The following CNTNAP5 variants were observed in gnomAD, a reference collection of about 807,000 sequenced individuals.
CNTNAP5 encodes the protein contactin associated protein family member 5, also known as contactin-associated protein-like 5.
A neutral mutation model predicts 150.2 loss-of-function variants in CNTNAP5; 72 were observed. That is an observed-to-expected ratio of 0.48 (90% CI 0.40 to 0.58). CNTNAP5 has a LOEUF of 0.58. Among genes scored for constraint, CNTNAP5 ranks in the 20% least tolerant of loss-of-function variants. The pLI, the probability that CNTNAP5 is intolerant of heterozygous loss-of-function variation, is 0.00. For synonymous variants in CNTNAP5, 672 were observed against 619.8 expected (o/e 1.08, Z -1.25); for missense variants, 1,636 against 1,626.2 (o/e 1.01, Z -0.10).
intron 5 of CNTNAP5, among the ~76,000 whole-genome samples, chr2:124,435,619 A>G (rs1692512893): frequency 6.6e-6 from 1 of 152,210 alleles, no homozygotes; most frequent in Non-Finnish European, 1.5e-5. Context: ...TTTTGTCTTC[A>G]CTATAAAATA....
intron 13 of CNTNAP5, among the ~76,000 whole-genome samples, chr2:124,701,875 T>C (rs1012574449): frequency 6.6e-6 from 1 of 152,104 alleles, no homozygotes; most frequent in Non-Finnish European, 1.5e-5. Context: ...ATTTGTTTTT[T>C]CTTTTACTTT....
At chr2:124,654,562 C>T (rs1197361790) in intron 13 of CNTNAP5, among the ~76,000 whole-genome samples, 1 of 152,050 alleles carries the variant, frequency 6.6e-6, no homozygotes, top group African/African-American at 2.4e-5. Context: ...CTTTCTCACC[C>T]AATTAACTGA....
At chr2:124,779,747 G>A (rs1681407529) in intron 17 of CNTNAP5, among the ~76,000 whole-genome samples, 1 of 152,084 alleles carries the variant, frequency 6.6e-6, no homozygotes, top group Non-Finnish European at 1.5e-5. Flanking sequence ...AAATGGACCT[G>A]CCCCTACCCT....
At chr2:124,761,873 T>C (rs1381619885) in intron 14 of CNTNAP5, among the ~76,000 whole-genome samples, 1 of 152,140 alleles carries the variant, frequency 6.6e-6, no homozygotes, top group East Asian at 1.9e-4. Flanking sequence ...CCCAACACTT[T>C]GACACAAAAA....
intron 7 of CNTNAP5, among the ~76,000 whole-genome samples, chr2:124,490,652 T>C (rs1293479279): frequency 6.6e-6 from 1 of 152,130 alleles, no homozygotes; most frequent in African/African-American, 2.4e-5. Flanking sequence ...CCACTAGTCA[T>C]GTGTAACTAT....
chr2:124,375,890 T>A (rs547852570), intron 3 of CNTNAP5, among the ~76,000 whole-genome samples: 5 of 152,214 alleles, frequency 3.3e-5, no homozygotes, highest in African/African-American at 1.2e-4. Flanking sequence ...AACTCAAAAC[T>A]ACTTACCACA....
At position 124,539,638 on chromosome 2, in the gene CNTNAP5, C is replaced by T. The variant is rs116416955; in HGVS notation, c.1649+12182C>T. On this transcript the variant is annotated intron_variant, in intron 10 of 23. Coordinates refer to ENST00000682447, the MANE Select transcript of CNTNAP5 (RefSeq NM_001367498.1). ...AACAAAAGCAAGGCGATATTATTCCCGCCTGCCTCTTGGAATTTTGGCAAG... is the reference window on the plus strand; with the variant it reads ...AACAAAAGCAAGGCGATATTATTCCTGCCTGCCTCTTGGAATTTTGGCAAG... Among the ~76,000 whole-genome samples, 732 of 152,210 alleles carry T rather than the reference C, an allele frequency of 4.8e-3. 4 individuals are homozygous for T. Among genetic ancestry groups the T allele is most frequent in the African/African-American group, 0.017 (700 of 41,520 alleles).
chr2:124,477,050 G>C (rs996770399), intron 7 of CNTNAP5, among the ~76,000 whole-genome samples: 11 of 151,978 alleles, frequency 7.2e-5, no homozygotes, highest in Non-Finnish European at 1.6e-4. Context: ...ACCATTCAGA[G>C]ATATTTTAGG....
At chr2:124,073,871 A>C (rs571358321) in intron 1 of CNTNAP5, among the ~76,000 whole-genome samples, 46 of 152,302 alleles carry the variant, frequency 3.0e-4, no homozygotes, top group African/African-American at 1.0e-3. Flanking sequence ...AGTATATTGA[A>C]TAGGTATCTG....
chr2:124,218,171 AG>A (rs781141042), intron 1 of CNTNAP5, among the ~76,000 whole-genome samples: 21 of 152,056 alleles, frequency 1.4e-4, no homozygotes, highest in Non-Finnish European at 2.9e-4. Context: ...TTTATGCTTG[AG>A]GTTGCAATTT....
chr2:124,361,293 C>G (rs375931106), intron 3 of CNTNAP5, among the ~76,000 whole-genome samples: 4 of 144,690 alleles, frequency 2.8e-5, no homozygotes, highest in African/African-American at 7.7e-5. Flanking sequence ...TCATCTGAAG[C>G]CTCCTTCTCT....
At chr2:124,746,844 T>G (rs1680612940) in intron 13 of CNTNAP5, among the ~76,000 whole-genome samples, 1 of 152,182 alleles carries the variant, frequency 6.6e-6, no homozygotes, top group Non-Finnish European at 1.5e-5. Context: ...CCTGATCTGG[T>G]AAGAATTCAA....
chr2:124,197,705 G>A (rs1056482077), intron 1 of CNTNAP5, among the ~76,000 whole-genome samples: 3 of 152,102 alleles, frequency 2.0e-5, no homozygotes, highest in South Asian at 2.1e-4. Flanking sequence ...AATACGGCCC[G>A]GCGCAGTGGC....
intron 1 of CNTNAP5, among the ~76,000 whole-genome samples, chr2:124,104,879 T>A (rs1683141434): frequency 6.6e-6 from 1 of 152,196 alleles, no homozygotes. Flanking sequence ...TGTTTTTATT[T>A]GTTTTTGAGT....
chr2:124,507,592 A>G (rs762529569), intron 8 of CNTNAP5, among the ~76,000 whole-genome samples: 3 of 152,342 alleles, frequency 2.0e-5, no homozygotes, highest in South Asian at 2.1e-4. Flanking sequence ...GTGAAGCCAT[A>G]CAGGTATCAG....
rs113202211 is a variant in CNTNAP5, at chr2:124,661,551, C to T, written c.2077+13593C>T. ...TTCTGGAATTCCCCCGAAGGGCCTG[C>T]CTGAGGCTGTTTCACTTTTTTTTTT... is the stretch of plus-strand genomic sequence containing the variant. On this transcript the variant is annotated intron_variant, in intron 13 of 23. Coordinates refer to ENST00000682447, the MANE Select transcript of CNTNAP5 (RefSeq NM_001367498.1). Among the ~76,000 whole-genome samples, 263 of 129,078 alleles carry T rather than the reference C, an allele frequency of 2.0e-3. 1 individual carries two copies. Among genetic ancestry groups the T allele is most frequent in the Non-Finnish European group, 3.9e-3 (228 of 57,946 alleles). The allele number at this position is 129,078 out of a possible 152,430, so 84.7% of individuals were successfully genotyped here.
At chr2:124,334,083 C>A (rs1027117886) in intron 3 of CNTNAP5, among the ~76,000 whole-genome samples, 1 of 152,000 alleles carries the variant, frequency 6.6e-6, no homozygotes, top group African/African-American at 2.4e-5. Flanking sequence ...TGGATGTAGT[C>A]CAGGACTCTC....
intron 1 of CNTNAP5, among the ~76,000 whole-genome samples, chr2:124,140,146 G>A (rs1267460916): frequency 2.1e-4 from 31 of 151,020 alleles, no homozygotes; most frequent in South Asian, 1.3e-3. Context: ...CTACACCCAC[G>A]GAATCTCGCT....
chr2:124,711,181 G>A (rs1032988307), intron 13 of CNTNAP5, among the ~76,000 whole-genome samples: 1 of 152,048 alleles, frequency 6.6e-6, no homozygotes, highest in Non-Finnish European at 1.5e-5. Flanking sequence ...TGAGACAGGA[G>A]AACAGCTTGA....
Sources: allele counts gnomAD v4.1 joint callset (sites outside exome capture counted in the v4.1 genomes callset), GRCh38; gene constraint gnomAD v4.1.1; transcripts MANE v1.5; gene names NCBI Gene and HGNC (gene_info 2026-07-23, HGNC 2026-07-21).